The following FZD3 variants were observed in gnomAD, a reference collection of about 807,000 sequenced individuals.
FZD3 encodes frizzled-3.
Under a neutral mutation model 60.7 loss-of-function variants are expected in FZD3, and 30 were observed. That is an observed-to-expected ratio of 0.49 (90% CI 0.37 to 0.67). The LOEUF is 0.67. Among genes scored for constraint, FZD3 ranks in the 30% least tolerant of loss-of-function variants. The pLI, the probability that FZD3 is intolerant of heterozygous loss-of-function variation, is 0.00. For synonymous variants in FZD3, 246 were observed against 275.2 expected, an observed-to-expected ratio of 0.89 and a Z score of 1.05; for missense variants, 605 against 838.7, an observed-to-expected ratio of 0.72 and a Z score of 3.44.
At chr8:28,532,673 T>C (rs1046273239) in intron 5 of FZD3, among the ~76,000 whole-genome samples, 1 of 152,066 alleles carries the variant, frequency 6.6e-6, no homozygotes, top group Admixed American at 6.6e-5. Context: ...CTTGGCTTTC[T>C]AAAGACTGGG....
chr8:28,557,725 C>CA (rs1257560695), intron 7 of FZD3, among the ~76,000 whole-genome samples: 9 of 152,340 alleles, frequency 5.9e-5, no homozygotes, highest in African/African-American at 1.9e-4. Flanking sequence ...TACCCTCTAA[C>CA]ATCACCAGTG....
intron 5 of FZD3, among the ~76,000 whole-genome samples, chr8:28,540,261 G>C: frequency 6.6e-6 from 1 of 152,054 alleles, no homozygotes; most frequent in East Asian, 1.9e-4. Context: ...ACAGAGTCTC[G>C]CTCTGTTACC....
intron 3 of FZD3, among the ~76,000 whole-genome samples, chr8:28,515,432 A>C (rs1446726245): frequency 6.6e-6 from 1 of 152,218 alleles, no homozygotes; most frequent in African/African-American, 2.4e-5. Flanking sequence ...GTGACTTGAG[A>C]GATCAAGTGC....
At position 28,527,759 on chromosome 8, in the gene FZD3, C is replaced by T. The variant is rs141884499; in HGVS notation, c.999C>T (p.Ala333=). Residue 333 remains alanine, a synonymous_variant, in exon 5 of 8, where the codon GCC becomes GCT. Transcript: ENST00000240093. The surrounding 1 kb of genome is among the most constrained non-coding windows in gnomAD (Gnocchi z 5.0). ...AGAAGAAAGCATTGCTGTTTCACGC[C>T]AGTGCATGGGGCATCCCCGGAACTC... ...AIEKKALLFH[A]SAWGIPGTLT... The T allele has an allele frequency of 1.7e-4, 269 of 1,614,016 alleles. No homozygotes were observed. Among genetic ancestry groups the T allele is most frequent in the Non-Finnish European group, 2.2e-4 (257 of 1,180,004 alleles).
intron 3 of FZD3, among the ~76,000 whole-genome samples, chr8:28,509,893 A>G (rs1003768946): frequency 3.3e-5 from 5 of 152,210 alleles, no homozygotes; most frequent in African/African-American, 9.6e-5. Flanking sequence ...TAGTGTTGCT[A>G]TGAATATAAA....
chr8:28,548,927 A>T (rs1379318553), intron 5 of FZD3, among the ~76,000 whole-genome samples: 1 of 152,198 alleles, frequency 6.6e-6, no homozygotes, highest in Non-Finnish European at 1.5e-5. Flanking sequence ...ATTTATTCTT[A>T]GGTGTTTTGT....
chr8:28,514,341 C>G (rs1804367851), intron 3 of FZD3, among the ~76,000 whole-genome samples: 3 of 151,928 alleles, frequency 2.0e-5, no homozygotes, highest in Admixed American at 6.6e-5. Context: ...GGGCAATTTG[C>G]TTATTTGAAA....
chr8:28,508,453 A>C (rs1452589571), intron 3 of FZD3, among the ~76,000 whole-genome samples: 1 of 146,376 alleles, frequency 6.8e-6, no homozygotes, highest in East Asian at 2.0e-4. Context: ...TTTTAAGGGA[A>C]AGTCCATCAT....
intron 6 of FZD3, among the ~76,000 whole-genome samples, chr8:28,552,575 A>G (rs1805433007): frequency 6.6e-6 from 1 of 152,170 alleles, no homozygotes; most frequent in Non-Finnish European, 1.5e-5. Flanking sequence ...TTATGATTTT[A>G]CTTAATCTAG....
rs116190262 is a variant in FZD3, at chr8:28,549,045, G to A, written c.1405-2558G>A. The stretch of plus-strand genomic sequence containing the variant: ...AATTTTCTCACAGCTCTAGAAGCTG[G>A]AAGTCCAGGATGAAGGTGCTGGCAG... On this transcript the variant is annotated intron_variant, in intron 5 of 7. Coordinates refer to ENST00000240093, the MANE Select transcript of FZD3 (RefSeq NM_017412.4). 8.5e-3 allele frequency among the ~76,000 whole-genome samples: 1,300 copies of A among 152,290 alleles called. 21 individuals carry two copies. Among genetic ancestry groups the A allele is most frequent in the African/African-American group, 0.03 (1,229 of 41,554 alleles).
chr8:28,511,346 C>T (rs1804283643), intron 3 of FZD3, among the ~76,000 whole-genome samples: 1 of 152,072 alleles, frequency 6.6e-6, no homozygotes, highest in Non-Finnish European at 1.5e-5. Flanking sequence ...ATTAGCTGGG[C>T]GTGGTGGCGT....
chr8:28,535,888 T>C (rs1177450553), intron 5 of FZD3, among the ~76,000 whole-genome samples: 3 of 152,214 alleles, frequency 2.0e-5, no homozygotes, highest in African/African-American at 7.2e-5. Context: ...CAAAGATTCT[T>C]GATATTTCTA....
intron 5 of FZD3, among the ~76,000 whole-genome samples, chr8:28,549,994 T>C (rs2130453931): frequency 6.6e-6 from 1 of 152,276 alleles, no homozygotes; most frequent in African/African-American, 2.4e-5. Flanking sequence ...TAAGTTTCTT[T>C]ATGGAGGCTT....
chr8:28,559,694 G>T (rs1323677368), intron 7 of FZD3, among the ~76,000 whole-genome samples: 10 of 152,182 alleles, frequency 6.6e-5, no homozygotes, highest in Non-Finnish European at 1.0e-4. Context: ...CAAGACTGTG[G>T]TGAACCAGAA....
At chr8:28,523,853 G>A (rs1403226531) in intron 4 of FZD3, among the ~76,000 whole-genome samples, 11 of 152,146 alleles carry the variant, frequency 7.2e-5, no homozygotes, top group Admixed American at 7.2e-4. Context: ...GAGATCGTGA[G>A]GACTCTGCCC....
chr8:28,544,107 A>G (rs1167465992), intron 5 of FZD3, among the ~76,000 whole-genome samples: 1 of 151,958 alleles, frequency 6.6e-6, no homozygotes, highest in African/African-American at 2.4e-5. Context: ...CGGATAAAAT[A>G]TGGATTACCT....
rs1273375693 is a variant in FZD3, at chr8:28,570,343, T to C, written c.*7332T>C. The C allele has an allele frequency of 1.3e-5, 2 of 148,558 alleles. No individual in the cohort carries two copies. Among genetic ancestry groups the C allele is most frequent in the African/African-American group, 2.5e-5 (1 of 39,900 alleles). The allele number at this position is 148,558 out of a possible 1,614,324, so 9.2% of individuals were successfully genotyped here. ...CCCTTCTGTACTAAAAATACAAAAA[T>C]TAGCCAGGCGCAGTGGCTCACGCCT... On this transcript the variant is annotated 3_prime_UTR_variant, in exon 8 of 8. Coordinates refer to ENST00000240093, the MANE Select transcript of FZD3 (RefSeq NM_017412.4).
intron 3 of FZD3, among the ~76,000 whole-genome samples, chr8:28,510,077 A>C (rs1349539173): frequency 1.3e-5 from 2 of 151,800 alleles, no homozygotes; most frequent in Non-Finnish European, 2.9e-5. Flanking sequence ...ATTTCTCCAC[A>C]TCTTGGCTAA....
At chr8:28,548,457 C>T (rs773057847) in intron 5 of FZD3, among the ~76,000 whole-genome samples, 10 of 152,114 alleles carry the variant, frequency 6.6e-5, no homozygotes, top group South Asian at 4.1e-4. Flanking sequence ...TGAGCCACTG[C>T]GCCTGGCCTG....
Sources: allele counts gnomAD v4.1 joint callset (sites outside exome capture counted in the v4.1 genomes callset), GRCh38; gene constraint gnomAD v4.1.1; non-coding constraint Gnocchi (gnomAD v3.1); transcripts MANE v1.5; gene names NCBI Gene and HGNC (gene_info 2026-07-23, HGNC 2026-07-21).